CLDN14: variants seen among roughly 807,000 people sequenced by gnomAD.
CLDN14 encodes the protein claudin-14.
A neutral mutation model predicts 2.1 loss-of-function variants in CLDN14; 2 were observed. The observed-to-expected ratio is 0.96, with a 90% CI of 0.39 to 3.01. The LOEUF (loss-of-function observed/expected upper bound fraction) is 3.01. Among genes scored for constraint, CLDN14 ranks in the 30% most tolerant of loss-of-function variants. CLDN14 has a pLI of 0.09. For synonymous variants in CLDN14, 136 were observed against 154.4 expected, an observed-to-expected ratio of 0.88 and a Z score of 0.88; for missense variants, 298 against 328.0, an observed-to-expected ratio of 0.91 and a Z score of 0.71.
Position 36,493,179 on chromosome 21 carries a change from C to T in CLDN14, c.-82+17184G>A, listed in dbSNP as rs142503474. Among the ~76,000 whole-genome samples, 1,283 of 152,206 alleles carry T rather than the reference C, an allele frequency of 8.4e-3. 21 individuals carry two copies. The highest frequency in any genetic ancestry group is 0.029 in the African/African-American group (1,204 of 41,520). On this transcript the variant is annotated intron_variant, in intron 2 of 2. Coordinates refer to the CLDN14 transcript ENST00000342108. ...TCCTGGACTCAAGGAAATAAAAGGG[C>T]AGCCTCCTGGAGAGCAGCTGTGAGG...
chr21:36,472,745 T>C (rs1238050060), intron 1 of CLDN14, among the ~76,000 whole-genome samples: 1 of 152,228 alleles, frequency 6.6e-6, no homozygotes, highest in East Asian at 1.9e-4. Flanking sequence ...CTTGGGTTCC[T>C]GGTGGAAATT....
chr21:36,461,399 G>A lies in CLDN14; in HGVS notation c.297C>T (p.Val99=), dbSNP rs1397844530. Residue 99 remains valine, a synonymous_variant, in exon 2 of 2, where the codon GTC becomes GTT. Coordinates refer to ENST00000399135, the MANE Select transcript of CLDN14 (RefSeq NM_001146079.2). ...CGCAGCGCGTGCACTTCATCCCGAT[G>A]ACGGCGCAGGCGCAGGCTATGCCCG... ...LLSGIACACA[V]IGMKCTRCAK... 6.2e-7 allele frequency: 1 copy of A among 1,613,212 alleles called. No homozygotes were observed. The highest frequency in any genetic ancestry group is 1.1e-5 in the South Asian group (1 of 91,074).
intron 1 of CLDN14, among the ~76,000 whole-genome samples, chr21:36,466,154 C>T (rs997325964): frequency 2.0e-5 from 3 of 152,194 alleles, no homozygotes; most frequent in Non-Finnish European, 4.4e-5. Flanking sequence ...GGAAATGTCT[C>T]ATGGGCAGCA....
chr21:36,492,870 C>T (rs1054097487), intron 2 of CLDN14, among the ~76,000 whole-genome samples: 13 of 152,090 alleles, frequency 8.5e-5, no homozygotes, highest in African/African-American at 2.4e-4. Flanking sequence ...CCTGCAGGCA[C>T]CTTGATTTTG....
At chr21:36,491,392 C>T (rs926370202) in intron 2 of CLDN14, among the ~76,000 whole-genome samples, 1 of 152,164 alleles carries the variant, frequency 6.6e-6, no homozygotes, top group Non-Finnish European at 1.5e-5. Context: ...ACAAAGCTTT[C>T]AAAAGCGAAA....
Position 36,568,272 on chromosome 21 carries a change from C to T in CLDN14, c.-220+8139G>A, listed in dbSNP as rs116961326. Among the ~76,000 whole-genome samples, 62 of 152,296 alleles carry T rather than the reference C, an allele frequency of 4.1e-4. No individual in the cohort carries two copies. The East Asian group carries it at 0.011, about 28-fold the overall frequency. ...TGACCTGTGTGACCTACATGGGATG[C>T]CCTGCTCAGAACTTCCTTCAAGAAA... On this transcript the variant is annotated intron_variant, in intron 1 of 2. Coordinates refer to the CLDN14 transcript ENST00000342108.
At chr21:36,514,946 C>A (rs894636547) in intron 1 of CLDN14, among the ~76,000 whole-genome samples, 1 of 152,170 alleles carries the variant, frequency 6.6e-6, no homozygotes, top group East Asian at 1.9e-4. Flanking sequence ...TCACTCAGAG[C>A]GACTTGAAAG....
chr21:36,506,480 C>T (rs1011416005), intron 2 of CLDN14, among the ~76,000 whole-genome samples: 6 of 151,924 alleles, frequency 3.9e-5, no homozygotes, highest in Admixed American at 3.9e-4. Flanking sequence ...GTCTGTAATC[C>T]CAGCTATTTG....
At chr21:36,482,506 T>C (rs531659885), upstream of CLDN14, among the ~76,000 whole-genome samples, 1 of 152,260 alleles carries the variant, frequency 6.6e-6, no homozygotes, top group African/African-American at 2.4e-5. Context: ...TCTTTGAAGC[T>C]TGATTCATTT....
chr21:36,540,771 G>C (rs2146510305), intron 1 of CLDN14, among the ~76,000 whole-genome samples: 1 of 152,286 alleles, frequency 6.6e-6, no homozygotes, highest in South Asian at 2.1e-4. Context: ...CTTACAGGTG[G>C]TGATAAATAG....
chr21:36,503,830 A>C (rs2087108813), intron 2 of CLDN14, among the ~76,000 whole-genome samples: 1 of 152,124 alleles, frequency 6.6e-6, no homozygotes, highest in Admixed American at 6.6e-5. Context: ...AATGAATACA[A>C]TACATACAGT....
At chr21:36,465,629 C>G (rs1275826299) in intron 1 of CLDN14, among the ~76,000 whole-genome samples, 1 of 152,228 alleles carries the variant, frequency 6.6e-6, no homozygotes, top group Non-Finnish European at 1.5e-5. Flanking sequence ...CTCCGTGATG[C>G]TCCGGAAGCG....
intron 1 of CLDN14, among the ~76,000 whole-genome samples, chr21:36,553,348 G>A (rs1235326292): frequency 1.3e-5 from 2 of 152,170 alleles, no homozygotes; most frequent in Non-Finnish European, 2.9e-5. Flanking sequence ...AACACAGGAG[G>A]GGGCCAGCTG....
At chr21:36,495,281 A>G (rs901126931) in intron 2 of CLDN14, among the ~76,000 whole-genome samples, 3 of 152,226 alleles carry the variant, frequency 2.0e-5, no homozygotes, top group African/African-American at 7.2e-5. Context: ...GTGAGCCGAG[A>G]TCGTGCCATT....
chr21:36,561,714 C>T (rs1006191673), intron 1 of CLDN14, among the ~76,000 whole-genome samples: 5 of 152,182 alleles, frequency 3.3e-5, no homozygotes, highest in Non-Finnish European at 7.3e-5. Flanking sequence ...AAATGCACCT[C>T]CCTCTCCCTG....
upstream of CLDN14, among the ~76,000 whole-genome samples, chr21:36,484,658 G>A (rs191658728): frequency 1.3e-5 from 2 of 152,054 alleles, no homozygotes; most frequent in Non-Finnish European, 2.9e-5. Flanking sequence ...CTCACACGTC[G>A]TTCTCTTCTT....
chr21:36,568,389 G>C (rs2087687289), intron 1 of CLDN14, among the ~76,000 whole-genome samples: 1 of 152,204 alleles, frequency 6.6e-6, no homozygotes, highest in African/African-American at 2.4e-5. Flanking sequence ...TGAGCAATAA[G>C]GAGGCACGAA....
At chr21:36,518,838 G>A (rs931621140) in intron 1 of CLDN14, among the ~76,000 whole-genome samples, 26 of 152,156 alleles carry the variant, frequency 1.7e-4, no homozygotes, top group African/African-American at 6.3e-4. Flanking sequence ...TTTCTGAGAG[G>A]CCGTATTACA....
chr21:36,564,999 C>A (rs2087662391), intron 1 of CLDN14, among the ~76,000 whole-genome samples: 1 of 152,222 alleles, frequency 6.6e-6, no homozygotes, highest in African/African-American at 2.4e-5. Flanking sequence ...TTGATCACAA[C>A]CCAGTGAGCC....
Sources: gnomAD v4.1 joint callset for allele counts (sites outside exome capture counted in the v4.1 genomes callset) on GRCh38, gnomAD v4.1.1 for gene constraint, MANE v1.5 for transcripts, NCBI Gene and HGNC (gene_info 2026-07-23, HGNC 2026-07-21) for gene names.